Variants in HS6ST3 observed in about 807,000 individuals in gnomAD.
The protein encoded by HS6ST3 is heparan sulfate 6-O-sulfotransferase 3.
A neutral mutation model predicts 36.7 loss-of-function variants in HS6ST3; 12 were observed. The ratio of observed to expected loss-of-function variants is 0.33; its 90% CI spans 0.21 to 0.53. HS6ST3 has a LOEUF of 0.53. Among genes scored for constraint, HS6ST3 ranks in the 20% least tolerant of loss-of-function variants. HS6ST3 has a pLI of 0.95. For missense variants in HS6ST3, 584 were observed against 640.9 expected (o/e 0.91, Z 0.96); for synonymous variants, 240 against 257.5 (o/e 0.93, Z 0.65).
At chr13:96,725,523 C>T (rs780767931) in intron 1 of HS6ST3, among the ~76,000 whole-genome samples, 1 of 152,072 alleles carries the variant, frequency 6.6e-6, no homozygotes, top group South Asian at 2.1e-4. Flanking sequence ...GCATTATGTT[C>T]CATTCCAAGT....
intron 1 of HS6ST3, among the ~76,000 whole-genome samples, chr13:96,342,316 C>G (rs2055134876): frequency 6.6e-6 from 1 of 152,126 alleles, no homozygotes; most frequent in Admixed American, 6.5e-5. Context: ...TATCTACTTC[C>G]TCTAGACTGA....
intron 1 of HS6ST3, among the ~76,000 whole-genome samples, chr13:96,798,912 C>A (rs541698464): frequency 6.6e-6 from 1 of 152,232 alleles, no homozygotes; most frequent in East Asian, 1.9e-4. Context: ...ACCACTTTCT[C>A]ACTGTGTCTT....
intron 1 of HS6ST3, among the ~76,000 whole-genome samples, chr13:96,526,853 G>A (rs1023698140): frequency 1.3e-5 from 2 of 152,178 alleles, no homozygotes; most frequent in Non-Finnish European, 2.9e-5. Context: ...CACTTGAAAT[G>A]TAGCTAATCT....
At chr13:96,440,664 A>G (rs2055666457) in intron 1 of HS6ST3, among the ~76,000 whole-genome samples, 1 of 151,930 alleles carries the variant, frequency 6.6e-6, no homozygotes, top group Non-Finnish European at 1.5e-5. Context: ...GGGGCTATGC[A>G]TGGACAATGG....
chr13:96,509,064 T>C (rs183944462), intron 1 of HS6ST3, among the ~76,000 whole-genome samples: 4 of 152,330 alleles, frequency 2.6e-5, no homozygotes, highest in Admixed American at 2.6e-4. Flanking sequence ...AGTAAAGTGG[T>C]ATCTCATTGT....
intron 1 of HS6ST3, among the ~76,000 whole-genome samples, chr13:96,513,799 A>T (rs1269811870): frequency 6.6e-6 from 1 of 152,052 alleles, no homozygotes; most frequent in African/African-American, 2.4e-5. Context: ...AAATAGGGTG[A>T]TGATAGAAGT....
At chr13:96,556,142 T>C (rs1392307815) in intron 1 of HS6ST3, among the ~76,000 whole-genome samples, 3 of 152,180 alleles carry the variant, frequency 2.0e-5, no homozygotes, top group Admixed American at 6.5e-5. Context: ...GCAGTGAAAA[T>C]GAATTTTTGA....
At chr13:96,596,725 C>G (rs1792645547) in intron 1 of HS6ST3, among the ~76,000 whole-genome samples, 1 of 152,080 alleles carries the variant, frequency 6.6e-6, no homozygotes. Flanking sequence ...CATTTATATA[C>G]TGTTGGTTGG....
At chr13:96,799,872 C>G (rs1031120105) in intron 1 of HS6ST3, among the ~76,000 whole-genome samples, 5 of 148,784 alleles carry the variant, frequency 3.4e-5, no homozygotes, top group African/African-American at 1.2e-4. Context: ...TCCCAGTCTC[C>G]TAGTATACAA....
At chr13:96,204,959 C>A (rs2054362189) in intron 1 of HS6ST3, among the ~76,000 whole-genome samples, 1 of 152,066 alleles carries the variant, frequency 6.6e-6, no homozygotes, top group African/African-American at 2.4e-5. Flanking sequence ...AACTCGAAAT[C>A]TAGCAAAAGA....
At position 96,756,100 on chromosome 13, in the gene HS6ST3, A is replaced by G. The variant is rs192769780; in HGVS notation, c.708-76390A>G. 1.4e-3 allele frequency among the ~76,000 whole-genome samples: 210 copies of G among 152,258 alleles called. 7 individuals carry two copies. The highest frequency in any genetic ancestry group is 0.013 in the Admixed American group (206 of 15,286). On this transcript the variant is annotated intron_variant, in intron 1 of 1. Transcript: ENST00000376705. ...TGATGTTGAACACATTTTTATTCTTATTAGCCATGTGTATATATCTTCTCT... is the reference window on the plus strand; with the variant it reads ...TGATGTTGAACACATTTTTATTCTTGTTAGCCATGTGTATATATCTTCTCT...
intron 1 of HS6ST3, among the ~76,000 whole-genome samples, chr13:96,228,531 G>A (rs575981494): frequency 6.6e-6 from 1 of 152,298 alleles, no homozygotes; most frequent in East Asian, 1.9e-4. Context: ...CTCCCAAAGT[G>A]CGAGGATTAC....
chr13:96,352,792 G>C (rs181408909), intron 1 of HS6ST3, among the ~76,000 whole-genome samples: 1 of 152,112 alleles, frequency 6.6e-6, no homozygotes, highest in East Asian at 1.9e-4. Context: ...TATTAAACAC[G>C]TAGTCTTTAC....
chr13:96,491,256 A>G (rs2055943825), intron 1 of HS6ST3, among the ~76,000 whole-genome samples: 1 of 152,020 alleles, frequency 6.6e-6, no homozygotes, highest in Non-Finnish European at 1.5e-5. Flanking sequence ...CCACTGCTGA[A>G]AGCTGTTCCC....
At chr13:96,651,865 C>T (rs2056608767) in intron 1 of HS6ST3, among the ~76,000 whole-genome samples, 2 of 152,010 alleles carry the variant, frequency 1.3e-5, no homozygotes, top group Admixed American at 6.6e-5. Context: ...ATTGAGAAGT[C>T]TTCAGTTAGT....
intron 1 of HS6ST3, among the ~76,000 whole-genome samples, chr13:96,242,247 G>T (rs1337459614): frequency 6.7e-6 from 1 of 149,012 alleles, no homozygotes; most frequent in Non-Finnish European, 1.5e-5. Flanking sequence ...TTTGAGATAA[G>T]ATCTCACTCT....
At chr13:96,539,574 C>G (rs1319286658) in intron 1 of HS6ST3, among the ~76,000 whole-genome samples, 1 of 152,134 alleles carries the variant, frequency 6.6e-6, no homozygotes, top group East Asian at 1.9e-4. Context: ...CCAGGCTGGT[C>G]TTGAACTCCT....
intron 1 of HS6ST3, among the ~76,000 whole-genome samples, chr13:96,177,862 A>G (rs968751867): frequency 1.3e-5 from 2 of 152,238 alleles, no homozygotes; most frequent in Non-Finnish European, 2.9e-5. Flanking sequence ...AGACTTATCA[A>G]CCAGTCATAA....
intron 1 of HS6ST3, among the ~76,000 whole-genome samples, chr13:96,764,566 G>A (rs576620130): frequency 3.9e-5 from 6 of 152,256 alleles, no homozygotes; most frequent in Admixed American, 6.5e-5. Context: ...GAAGGTAGAT[G>A]GGCAGGATGG....
Sources: allele counts gnomAD v4.1 joint callset (sites outside exome capture counted in the v4.1 genomes callset), GRCh38; gene constraint gnomAD v4.1.1; transcripts MANE v1.5; gene names NCBI Gene and HGNC (gene_info 2026-07-23, HGNC 2026-07-21).